GRID2: variants seen among roughly 807,000 people sequenced by gnomAD.
The protein encoded by GRID2 is glutamate ionotropic receptor delta type subunit 2.
In GRID2, 33 loss-of-function variants were observed where a neutral mutation model predicts 114.8. The ratio of observed to expected loss-of-function variants is 0.29; its 90% CI spans 0.22 to 0.38. The LOEUF is 0.38. Ranked by LOEUF, GRID2 falls within the 10% of genes least tolerant of loss-of-function variation. The pLI, the probability that GRID2 is intolerant of heterozygous loss-of-function variation, is 1.00. For missense variants in GRID2, 1,184 were observed against 1,257.7 expected, an observed-to-expected ratio of 0.94 and a Z score of 0.89; for synonymous variants, 505 against 449.9, an observed-to-expected ratio of 1.12 and a Z score of -1.55.
intron 13 of GRID2, among the ~76,000 whole-genome samples, chr4:93,569,387 C>A (rs890517700): frequency 3.3e-5 from 5 of 152,088 alleles, no homozygotes; most frequent in African/African-American, 1.2e-4. Context: ...ACTCACGCAT[C>A]CTTTTGGTTC....
At chr4:92,696,579 T>C (rs1444515692) in intron 2 of GRID2, among the ~76,000 whole-genome samples, 1 of 152,160 alleles carries the variant, frequency 6.6e-6, no homozygotes, top group Non-Finnish European at 1.5e-5. Context: ...AACCAAACTA[T>C]ATTCATGCTA....
At chr4:92,861,957 C>T (rs141537104) in intron 2 of GRID2, among the ~76,000 whole-genome samples, 703 of 152,062 alleles carry the variant, frequency 4.6e-3, no homozygotes, top group Non-Finnish European at 8.0e-3. Context: ...TATTGTCTGA[C>T]GCCCACTATA....
chr4:93,082,185 C>T (rs910497297), intron 2 of GRID2, among the ~76,000 whole-genome samples: 2 of 152,190 alleles, frequency 1.3e-5, no homozygotes, highest in Non-Finnish European at 2.9e-5. Context: ...ATTCATTTTA[C>T]TTGTGTGAGC....
At chr4:93,402,461 A>C (rs1450399453) in intron 9 of GRID2, among the ~76,000 whole-genome samples, 1 of 152,152 alleles carries the variant, frequency 6.6e-6, no homozygotes, top group South Asian at 2.1e-4. Flanking sequence ...ATGATGTGTA[A>C]ACTCAGTAAA....
chr4:92,805,471 A>C (rs899400770), intron 2 of GRID2, among the ~76,000 whole-genome samples: 3 of 152,046 alleles, frequency 2.0e-5, no homozygotes, highest in Admixed American at 2.0e-4. Flanking sequence ...ATGTAGCAAA[A>C]GCATTTCTTT....
At chr4:92,963,798 A>G (rs1752967934) in intron 2 of GRID2, among the ~76,000 whole-genome samples, 1 of 152,036 alleles carries the variant, frequency 6.6e-6, no homozygotes, top group East Asian at 1.9e-4. Context: ...AAAAATTGCT[A>G]TCTATGACAG....
chr4:92,975,367 A>C (rs1753806104), intron 2 of GRID2, among the ~76,000 whole-genome samples: 1 of 152,046 alleles, frequency 6.6e-6, no homozygotes, highest in Non-Finnish European at 1.5e-5. Flanking sequence ...TCCTTAAGAT[A>C]CTTGGTTAGA....
intron 4 of GRID2, among the ~76,000 whole-genome samples, chr4:93,139,084 T>C (rs950845366): frequency 6.6e-6 from 1 of 152,216 alleles, no homozygotes; most frequent in Non-Finnish European, 1.5e-5. Flanking sequence ...CACACTCAAA[T>C]TACAGTATCT....
At position 93,288,960 on chromosome 4, in the gene GRID2, A is replaced by C. The variant is rs568990733; in HGVS notation, c.1245+50470A>C. Among the ~76,000 whole-genome samples the C allele has an allele frequency of 1.3e-4, 20 of 152,294 alleles. No individual in the cohort carries two copies. The South Asian group carries it at 4.1e-3, about 32-fold the overall frequency. On this transcript the variant is annotated intron_variant, in intron 8 of 15. Coordinates refer to ENST00000282020, the MANE Select transcript of GRID2 (RefSeq NM_001510.4). ...CTCAGTGCTCTAAATTTTTTCCTGC[A>C]ATTTTCTTTCAAGACAGGTATAGTA...
intron 8 of GRID2, among the ~76,000 whole-genome samples, chr4:93,264,542 A>T (rs1750586397): frequency 6.6e-6 from 1 of 151,416 alleles, no homozygotes; most frequent in Non-Finnish European, 1.5e-5. Context: ...AATCCAAAGC[A>T]CTTACACGAA....
At chr4:93,042,273 CTT>C (rs1250296199) in intron 2 of GRID2, among the ~76,000 whole-genome samples, 1,126 of 79,524 alleles carry the variant, frequency 0.014, 8 homozygotes, top group African/African-American at 0.033. Flanking sequence ...CTCTCTCTCT[CTT>C]TCTCTCTCTC....
chr4:93,608,239 A>G (rs1299732687), intron 13 of GRID2, among the ~76,000 whole-genome samples: 3 of 148,264 alleles, frequency 2.0e-5, no homozygotes, highest in African/African-American at 4.9e-5. Context: ...TTTTTCTTAT[A>G]GGGATTTTAT....
In GRID2 at chr4:92,920,781, T is replaced by C. The variant is rs58510085; in HGVS notation, c.245-164214T>C. 8.4e-4 allele frequency among the ~76,000 whole-genome samples: 128 copies of C among 152,314 alleles called. 1 individual carries two copies. In the East Asian group the frequency reaches 0.021, roughly 25 times the overall value. ...CCTTTCTCTCTGGCTACCCTTAACA[T>C]TTTTTCCTTCATTTTAATTTTGGTG... On this transcript the variant is annotated intron_variant, in intron 2 of 15. Transcript: ENST00000282020.
intron 2 of GRID2, among the ~76,000 whole-genome samples, chr4:92,966,669 CT>C (rs1753178651): frequency 6.6e-6 from 1 of 151,856 alleles, no homozygotes; most frequent in African/African-American, 2.4e-5. Context: ...TTGCCTGCCA[CT>C]GTGTAAGACA....
At chr4:93,295,405 A>G (rs72874945) in intron 8 of GRID2, among the ~76,000 whole-genome samples, 8,202 of 152,218 alleles carry the variant, frequency 0.054, 743 homozygotes, top group African/African-American at 0.19. Context: ...AAATGTATCA[A>G]TCGGGGTTCA....
At chr4:92,664,176 A>G (rs1259977438) in intron 2 of GRID2, among the ~76,000 whole-genome samples, 4 of 151,154 alleles carry the variant, frequency 2.6e-5, no homozygotes, top group African/African-American at 9.7e-5. Flanking sequence ...TTCAGTTATT[A>G]TACTTCCCAG....
chr4:93,504,847 A>G (rs2149478408), intron 12 of GRID2, among the ~76,000 whole-genome samples: 1 of 152,268 alleles, frequency 6.6e-6, no homozygotes, highest in East Asian at 1.9e-4. Context: ...GAAGTAATAT[A>G]TCTTATAGAT....
In GRID2 at chr4:92,628,739, C is replaced by G. The variant is rs376584812; in HGVS notation, c.244+38453C>G. On this transcript the variant is annotated intron_variant, in intron 2 of 15. Coordinates refer to ENST00000282020, the MANE Select transcript of GRID2 (RefSeq NM_001510.4). ...CCCATAACTTCCACAGGGACTCATG[C>G]CTCCAATCTGGGCTTCTCTGAGGGC... Among the ~76,000 whole-genome samples, 63 of 152,240 alleles carry G rather than the reference C, an allele frequency of 4.1e-4. No homozygotes were observed. The South Asian group carries it at 0.012, about 30-fold the overall frequency.
chr4:93,578,171 C>T (rs1258985415), intron 13 of GRID2, among the ~76,000 whole-genome samples: 1 of 152,182 alleles, frequency 6.6e-6, no homozygotes, highest in Non-Finnish European at 1.5e-5. Context: ...TCCACCCTCC[C>T]ATCAACATTC....
Sources: gnomAD v4.1 joint callset for allele counts (sites outside exome capture counted in the v4.1 genomes callset) on GRCh38, gnomAD v4.1.1 for gene constraint, MANE v1.5 for transcripts, NCBI Gene and HGNC (gene_info 2026-07-23, HGNC 2026-07-21) for gene names.